Variants in WDPCP observed in about 807,000 individuals in gnomAD.
WDPCP encodes WD repeat-containing and planar cell polarity effector protein fritz homolog.
In WDPCP, 71 loss-of-function variants were observed where a neutral mutation model predicts 93.1. That is an observed-to-expected ratio of 0.76 (90% CI 0.63 to 0.93). The LOEUF is 0.93. Among genes scored for constraint, WDPCP ranks in the 40% least tolerant of loss-of-function variants. The probability of loss-of-function intolerance (pLI) is 0.00; values close to 1 mark genes in which losing one functional copy is unlikely to be tolerated. For missense variants in WDPCP, 844 were observed against 887.4 expected (o/e 0.95, Z 0.62); for synonymous variants, 315 against 315.0 (o/e 1.00, Z 0.00).
At chr2:63,707,929 C>G (rs1210314000) in intron 2 of WDPCP, among the ~76,000 whole-genome samples, 1 of 152,158 alleles carries the variant, frequency 6.6e-6, no homozygotes, top group East Asian at 1.9e-4. Context: ...GCAGCGGTGG[C>G]TGCAGAACAA....
intron 2 of WDPCP, among the ~76,000 whole-genome samples, chr2:63,708,494 G>C (rs568740747): frequency 6.9e-4 from 105 of 152,250 alleles, no homozygotes; most frequent in Middle Eastern, 6.8e-3. Flanking sequence ...TATTAGGGTG[G>C]GAGTGACCCG....
Position 63,622,837 on chromosome 2 carries a change from T to A in WDPCP, n.488+27822A>T, listed in dbSNP as rs577869426. 4.7e-4 allele frequency: 756 copies of A among 1,604,490 alleles called. 2 individuals are homozygous for A. Among genetic ancestry groups the A allele is most frequent in the Non-Finnish European group, 6.1e-4 (723 of 1,177,634 alleles). On this transcript the variant is annotated intron_variant and non_coding_transcript_variant, in intron 3 of 4. Transcript: ENST00000467687. ...CCCAGGAAATACTTAACCATCGTCCTGGCCGAAGTGGGCTCAGCACCCGCG... is the reference window on the plus strand; with the variant it reads ...CCCAGGAAATACTTAACCATCGTCCAGGCCGAAGTGGGCTCAGCACCCGCG...
chr2:63,125,118 T>C (rs1164997022), intron 17 of WDPCP, among the ~76,000 whole-genome samples: 1 of 152,232 alleles, frequency 6.6e-6, no homozygotes, highest in Non-Finnish European at 1.5e-5. Context: ...ATATATAGGT[T>C]TCTTTTTCAT....
intron 12 of WDPCP, among the ~76,000 whole-genome samples, chr2:63,315,590 A>C (rs1686573419): frequency 6.6e-6 from 1 of 152,188 alleles, no homozygotes; most frequent in African/African-American, 2.4e-5. Flanking sequence ...AAATAATTGA[A>C]TTATTAAAGT....
intron 13 of WDPCP, among the ~76,000 whole-genome samples, chr2:63,272,973 A>C (rs1418242872): frequency 6.6e-6 from 1 of 152,210 alleles, no homozygotes; most frequent in Non-Finnish European, 1.5e-5. Context: ...GAGTCAAAGA[A>C]AGACAGAATT....
At chr2:63,365,233 C>T (rs1433061433) in intron 12 of WDPCP, among the ~76,000 whole-genome samples, 1 of 152,132 alleles carries the variant, frequency 6.6e-6, no homozygotes, top group Non-Finnish European at 1.5e-5. Flanking sequence ...AGGTAATGTG[C>T]TGACCTAGCA....
At chr2:63,657,479 T>G (rs1048593461) in intron 2 of WDPCP, among the ~76,000 whole-genome samples, 2 of 152,164 alleles carry the variant, frequency 1.3e-5, no homozygotes, top group African/African-American at 4.8e-5. Context: ...GTGCTGAGAT[T>G]ACATGCGTGA....
intron 17 of WDPCP, among the ~76,000 whole-genome samples, chr2:63,147,976 A>G (rs1306033275): frequency 6.6e-6 from 1 of 151,936 alleles, no homozygotes; most frequent in Non-Finnish European, 1.5e-5. Flanking sequence ...TCAAAAAAAA[A>G]AAAAAAAAAA....
chr2:63,793,337 G>A (rs1670569591), intron 2 of WDPCP, among the ~76,000 whole-genome samples: 1 of 152,198 alleles, frequency 6.6e-6, no homozygotes, highest in Non-Finnish European at 1.5e-5. Context: ...GCTGGGCATG[G>A]TGGCTCACAC....
chr2:63,536,333 C>T (rs914906377), intron 1 of WDPCP, among the ~76,000 whole-genome samples: 5 of 152,156 alleles, frequency 3.3e-5, no homozygotes, highest in African/African-American at 1.2e-4. Context: ...CTAGAAATAC[C>T]ATTTGACCCA....
intron 2 of WDPCP, among the ~76,000 whole-genome samples, chr2:63,790,444 G>A (rs1575773814): frequency 6.6e-6 from 1 of 152,196 alleles, no homozygotes; most frequent in Non-Finnish European, 1.5e-5. Flanking sequence ...AGCACAAGCA[G>A]GTGCACAAGT....
chr2:63,819,345 A>T (rs998336576), intron 1 of WDPCP, among the ~76,000 whole-genome samples: 1 of 151,596 alleles, frequency 6.6e-6, no homozygotes, highest in Non-Finnish European at 1.5e-5. Flanking sequence ...TCAATTTACT[A>T]AAGTTATTAC....
intron 2 of WDPCP, among the ~76,000 whole-genome samples, chr2:63,701,616 T>C (rs956021036): frequency 1.3e-5 from 2 of 152,154 alleles, no homozygotes; most frequent in African/African-American, 4.8e-5. Flanking sequence ...CATTAATGGA[T>C]GAATGGATAA....
At chr2:63,199,286 T>A (rs1485317814) in intron 14 of WDPCP, among the ~76,000 whole-genome samples, 2 of 138,122 alleles carry the variant, frequency 1.4e-5, no homozygotes, top group African/African-American at 5.1e-5. Flanking sequence ...CTGCAGAAAT[T>A]TGCATAAGAG....
intron 12 of WDPCP, among the ~76,000 whole-genome samples, chr2:63,336,895 CTTTTTTT>C (rs70965120): frequency 4.1e-5 from 5 of 122,336 alleles, no homozygotes; most frequent in Non-Finnish European, 8.1e-5. Flanking sequence ...ATGAGAGTCA[CTTTTTTT>C]TTTTTTTTTT....
intron 2 of WDPCP, among the ~76,000 whole-genome samples, chr2:63,739,255 C>T (rs1669681924): frequency 6.6e-6 from 1 of 152,096 alleles, no homozygotes. Flanking sequence ...TTACCTCCCA[C>T]TTATAAGTAA....
At chr2:63,826,022 A>G (rs1671108007) in intron 1 of WDPCP, among the ~76,000 whole-genome samples, 1 of 152,166 alleles carries the variant, frequency 6.6e-6, no homozygotes, top group South Asian at 2.1e-4. Flanking sequence ...ACATCAACAA[A>G]TATTTCCTGA....
At chr2:63,575,508 C>CAG (rs1708022169) in intron 1 of WDPCP, among the ~76,000 whole-genome samples, 3 of 65,954 alleles carry the variant, frequency 4.5e-5, no homozygotes, top group African/African-American at 1.8e-4. Context: ...AGTATATACA[C>CAG]TGTATATATA....
intron 14 of WDPCP, among the ~76,000 whole-genome samples, chr2:63,218,631 G>A (rs1224557163): frequency 3.3e-5 from 5 of 152,116 alleles, no homozygotes; most frequent in African/African-American, 1.2e-4. Flanking sequence ...CCGGGTTCAA[G>A]CGATTCTCCT....
Sources: gnomAD v4.1 joint callset for allele counts (sites outside exome capture counted in the v4.1 genomes callset) on GRCh38, gnomAD v4.1.1 for gene constraint, MANE v1.5 for transcripts, NCBI Gene and HGNC (gene_info 2026-07-23, HGNC 2026-07-21) for gene names.